DPP6: variants seen among roughly 807,000 people sequenced by gnomAD.
DPP6 encodes the protein A-type potassium channel modulatory protein DPP6.
DPP6 carries 69 observed loss-of-function variants against 122.6 expected under a neutral mutation model. The ratio of observed to expected loss-of-function variants is 0.56; its 90% CI spans 0.46 to 0.69. The LOEUF (loss-of-function observed/expected upper bound fraction) is 0.69. DPP6 is among the 30% of genes least tolerant of loss of function. The probability of loss-of-function intolerance (pLI) is 0.00; values close to 1 mark genes in which losing one functional copy is unlikely to be tolerated. For missense variants in DPP6, 928 were observed against 1,116.9 expected (o/e 0.83, Z 2.41); for synonymous variants, 418 against 433.1 (o/e 0.97, Z 0.43).
At chr7:153,893,266 C>T (rs1473169230) in intron 1 of DPP6, among the ~76,000 whole-genome samples, 1 of 152,194 alleles carries the variant, frequency 6.6e-6, no homozygotes, top group Non-Finnish European at 1.5e-5. Context: ...CCATCATCTC[C>T]TTTTCTGTAA....
rs998695289 is a variant in DPP6 at position 154,065,783 on chromosome 7, AGGTTTTCCTCAGGGACTG to A, written c.243+12736_243+12753del. Among the ~76,000 whole-genome samples, 48 of 152,222 alleles carry A rather than the reference AGGTTTTCCTCAGGGACTG, an allele frequency of 3.2e-4. 1 individual carries two copies. The highest frequency in any genetic ancestry group is 5.4e-4 in the Non-Finnish European group (37 of 68,022). ...GGCATAGAGGCCCTGAGTTGGACTCAGGTTTTCCTCAGGGACTGGGTTTTCCTCAGGGAATGGGGCAAG... is the reference window on the plus strand; with the variant it reads ...GGCATAGAGGCCCTGAGTTGGACTCAGGTTTTCCTCAGGGAATGGGGCAAG... On this transcript the variant is annotated intron_variant, in intron 1 of 25. Coordinates refer to ENST00000377770, the MANE Select transcript of DPP6 (RefSeq NM_130797.4).
chr7:153,992,160 C>T (rs1401632511), intron 1 of DPP6, among the ~76,000 whole-genome samples: 1 of 151,602 alleles, frequency 6.6e-6, no homozygotes, highest in South Asian at 2.1e-4. Context: ...GTTTCCAGCA[C>T]ATAAATTTTG....
chr7:154,252,034 A>G (rs1802378915), intron 1 of DPP6, among the ~76,000 whole-genome samples: 1 of 152,250 alleles, frequency 6.6e-6, no homozygotes, highest in Non-Finnish European at 1.5e-5. Context: ...GTGAAATAAC[A>G]TATGTAGAAG....
intron 21 of DPP6, among the ~76,000 whole-genome samples, chr7:154,881,564 G>A (rs1805388481): frequency 6.6e-6 from 1 of 152,172 alleles, no homozygotes; most frequent in East Asian, 1.9e-4. Flanking sequence ...CACACAGATG[G>A]GTCGGTATAG....
chr7:153,779,771 T>G, the DPP6 span, among the ~76,000 whole-genome samples: 2 of 119,074 alleles, frequency 1.7e-5, no homozygotes, highest in African/African-American at 3.2e-5. Flanking sequence ...GCCCTGGGGG[T>G]TGGATTCCAG....
chr7:154,245,833 C>G (rs539362818), intron 1 of DPP6, among the ~76,000 whole-genome samples: 2 of 151,824 alleles, frequency 1.3e-5, no homozygotes, highest in East Asian at 3.9e-4. Flanking sequence ...TCAATAAATT[C>G]GCAGATATTT....
In DPP6 at chr7:154,533,821, G is replaced by T. The variant is rs980152091; in HGVS notation, c.458-6711G>T. 3.9e-5 allele frequency among the ~76,000 whole-genome samples: 6 copies of T among 152,018 alleles called. No individual in the cohort carries two copies. In the South Asian group the frequency reaches 1.2e-3, roughly 32 times the overall value. ...GAAACCAGCCTGAATAACAAACTGA[G>T]ACTTAATCTCTACAGAAATTTAAAA... On this transcript the variant is annotated intron_variant, in intron 3 of 25. Transcript: ENST00000377770.
At chr7:153,882,042 C>T in the DPP6 span, among the ~76,000 whole-genome samples, 28,709 of 152,062 alleles carry the variant, frequency 0.19, 2,714 homozygotes, top group Middle Eastern at 0.24. Context: ...TGTCATCAAG[C>T]TTGGCATATC....
intron 7 of DPP6, among the ~76,000 whole-genome samples, chr7:154,675,972 C>A (rs1838870398): frequency 6.6e-6 from 1 of 152,352 alleles, no homozygotes; most frequent in East Asian, 1.9e-4. Flanking sequence ...AGGGGTCATT[C>A]CGTACTTGCT....
At chr7:153,876,580 CAAAGGAAATT>C in the DPP6 span, among the ~76,000 whole-genome samples, 17 of 151,886 alleles carry the variant, frequency 1.1e-4, no homozygotes, top group African/African-American at 4.1e-4. Context: ...ATAAAAATTA[CAAAGGAAATT>C]AAAAGTGCCA....
Position 153,894,931 on chromosome 7 carries a change from G to T in DPP6, c.51+7197G>T, listed in dbSNP as rs140720894. ...TCTTGTTCCCTGGGTTGTGGAGGCC[G>T]CCAAATACATGGAAAGATGGGCAGA... On this transcript the variant is annotated intron_variant, in intron 1 of 25. Coordinates refer to the DPP6 transcript ENST00000404039. 1.4e-4 allele frequency among the ~76,000 whole-genome samples: 22 copies of T among 152,208 alleles called. No individual in the cohort carries two copies. The East Asian group carries it at 4.2e-3, about 29-fold the overall frequency.
chr7:154,569,316 A>G (rs1830963966), intron 5 of DPP6, among the ~76,000 whole-genome samples: 1 of 152,048 alleles, frequency 6.6e-6, no homozygotes, highest in Non-Finnish European at 1.5e-5. Flanking sequence ...GTATTGTATT[A>G]ATAGTATAAT....
chr7:154,060,875 GA>G (rs1801745938), intron 1 of DPP6, among the ~76,000 whole-genome samples: 1 of 133,502 alleles, frequency 7.5e-6, no homozygotes, highest in Non-Finnish European at 1.6e-5. Context: ...CCACATCACA[GA>G]GTGGGGAGGC....
intron 1 of DPP6, among the ~76,000 whole-genome samples, chr7:154,313,379 A>T (rs1807075426): frequency 6.6e-6 from 1 of 152,058 alleles, no homozygotes. Flanking sequence ...GTGATATGAA[A>T]GTGTTTTGAA....
intron 1 of DPP6, among the ~76,000 whole-genome samples, chr7:154,129,584 G>T (rs1808206345): frequency 6.6e-6 from 1 of 152,148 alleles, no homozygotes; most frequent in Non-Finnish European, 1.5e-5. Flanking sequence ...CCAACATGGT[G>T]AAACCCTGTC....
rs1389788750 is a variant in DPP6, at chr7:154,587,571, T to C, written c.627+20655T>C. ...TTGTTTCTCGATCCCCAACTTCCCATGCCCCAAAATAGCATCCTGGGACCA... is the reference window on the plus strand; with the variant it reads ...TTGTTTCTCGATCCCCAACTTCCCACGCCCCAAAATAGCATCCTGGGACCA... On this transcript the variant is annotated intron_variant, in intron 5 of 25. Transcript: ENST00000377770. 4 of 1,444,154 alleles carry C rather than the reference T, an allele frequency of 2.8e-6. No homozygotes were observed. The East Asian group carries it at 1.0e-4, about 36-fold the overall frequency. 89.5% of individuals were successfully genotyped at this position (1,444,154 alleles called of 1,614,324 possible).
intron 1 of DPP6, among the ~76,000 whole-genome samples, chr7:154,418,482 G>T (rs911892881): frequency 1.3e-5 from 2 of 152,166 alleles, no homozygotes; most frequent in Non-Finnish European, 2.9e-5. Context: ...CTTAGATTGT[G>T]CGAAAGGAAA....
chr7:154,696,786 C>G (rs1337938269), intron 7 of DPP6, among the ~76,000 whole-genome samples: 3 of 152,230 alleles, frequency 2.0e-5, no homozygotes, highest in African/African-American at 7.2e-5. Flanking sequence ...ATGAGAACCT[C>G]CTGGTCAGAG....
chr7:154,075,498 G>A (rs1401674461), intron 1 of DPP6, among the ~76,000 whole-genome samples: 1 of 152,150 alleles, frequency 6.6e-6, no homozygotes, highest in African/African-American at 2.4e-5. Flanking sequence ...TGAAATAATG[G>A]CATTCACAGC....
Sources: allele counts gnomAD v4.1 joint callset (sites outside exome capture counted in the v4.1 genomes callset), GRCh38; gene constraint gnomAD v4.1.1; transcripts MANE v1.5; gene names NCBI Gene and HGNC (gene_info 2026-07-23, HGNC 2026-07-21).